FOXP1: variants seen among roughly 807,000 people sequenced by gnomAD.
FOXP1 encodes the protein forkhead box P1.
A neutral mutation model predicts 98.2 loss-of-function variants in FOXP1; 15 were observed. The ratio of observed to expected loss-of-function variants is 0.15; its 90% CI spans 0.10 to 0.24. FOXP1 has a LOEUF of 0.24. Ranked by LOEUF, FOXP1 falls within the 10% of genes least tolerant of loss-of-function variation. The pLI is 1.00. For synonymous variants in FOXP1, 371 were observed against 314.5 expected (o/e 1.18, Z -1.90); for missense variants, 633 against 848.5 (o/e 0.75, Z 3.15).
At chr3:71,428,798 G>A (rs1362305313) in intron 3 of FOXP1, among the ~76,000 whole-genome samples, 1 of 152,180 alleles carries the variant, frequency 6.6e-6, no homozygotes, top group Non-Finnish European at 1.5e-5. Context: ...AAACTTGAAG[G>A]GGAACATTGG....
At chr3:71,385,100 A>T (rs9871585) in intron 3 of FOXP1, among the ~76,000 whole-genome samples, 7,532 of 143,168 alleles carry the variant, frequency 0.053, 635 homozygotes, top group African/African-American at 0.18. Context: ...GGCACGGGAA[A>T]AGGAAGTAAA....
intron 5 of FOXP1, among the ~76,000 whole-genome samples, chr3:71,229,031 T>C (rs531434310): frequency 6.6e-5 from 10 of 151,980 alleles, no homozygotes; most frequent in Non-Finnish European, 1.5e-4. Context: ...ACCTGTATTT[T>C]ATAAAGGGGG....
intron 6 of FOXP1, among the ~76,000 whole-genome samples, chr3:71,134,960 T>C (rs2059745944): frequency 6.6e-6 from 1 of 152,064 alleles, no homozygotes; most frequent in Non-Finnish European, 1.5e-5. Flanking sequence ...TACCTTCTTC[T>C]AAAAGTTATA....
At chr3:71,013,753 T>C (rs2044019871) in intron 12 of FOXP1, among the ~76,000 whole-genome samples, 2 of 152,150 alleles carry the variant, frequency 1.3e-5, no homozygotes, top group Non-Finnish European at 2.9e-5. Context: ...CAAACTATAC[T>C]ACAAGGCTAC....
intron 2 of FOXP1, among the ~76,000 whole-genome samples, chr3:71,549,020 G>A (rs144168018): frequency 7.2e-4 from 109 of 152,270 alleles, no homozygotes; most frequent in African/African-American, 2.5e-3. Flanking sequence ...ACTCAGGAAC[G>A]TTAACCACTG....
intron 4 of FOXP1, among the ~76,000 whole-genome samples, chr3:71,302,259 T>C (rs1008200099): frequency 6.6e-6 from 1 of 152,114 alleles, no homozygotes; most frequent in Admixed American, 6.6e-5. Flanking sequence ...GTCAATATAA[T>C]AGACAAGAAA....
At position 71,583,615 on chromosome 3, in the gene FOXP1, C is replaced by T. The variant is rs1312520821; in HGVS notation, c.-491G>A. The T allele has an allele frequency of 2.6e-5, 26 of 984,016 alleles. No homozygotes were observed. The highest frequency in any genetic ancestry group is 9.4e-5 in the South Asian group (2 of 21,222). 61.0% of individuals were successfully genotyped at this position (984,016 alleles called of 1,614,324 possible). A position where few individuals can be genotyped will look rare whatever the true frequency, so the allele number is the denominator to read the frequency against. ...GGTGCAAACTAAGGTGTTTTCGGGC[C>T]TTTCCCCGCGCGCGCCCACTCCCGC... On this transcript the variant is annotated 5_prime_UTR_variant, in exon 1 of 21. Transcript: ENST00000649528.
intron 4 of FOXP1, among the ~76,000 whole-genome samples, chr3:71,311,073 T>TTTTG (rs759618983): frequency 1.3e-5 from 2 of 152,270 alleles, no homozygotes; most frequent in South Asian, 4.1e-4. Context: ...TCCCACTTTT[T>TTTTG]TTTGTTTGTT....
At chr3:70,960,812 G>C (rs1290034452) in intron 20 of FOXP1, among the ~76,000 whole-genome samples, 4 of 151,960 alleles carry the variant, frequency 2.6e-5, no homozygotes, top group Non-Finnish European at 2.9e-5. Flanking sequence ...GAGCATTTAG[G>C]GGGGCTAGAT....
intron 4 of FOXP1, among the ~76,000 whole-genome samples, chr3:71,319,914 C>A (rs1400489935): frequency 2.6e-5 from 4 of 152,280 alleles, no homozygotes; most frequent in Non-Finnish European, 5.9e-5. Flanking sequence ...TCTGGAGGCA[C>A]ATTTGACTCC....
intron 5 of FOXP1, among the ~76,000 whole-genome samples, chr3:71,258,886 C>T (rs1421496860): frequency 1.3e-5 from 2 of 152,132 alleles, no homozygotes; most frequent in African/African-American, 4.8e-5. Flanking sequence ...TGGCTCATGC[C>T]TGTAATCCCA....
At chr3:71,100,705 T>C (rs2056878018) in intron 7 of FOXP1, among the ~76,000 whole-genome samples, 1 of 152,232 alleles carries the variant, frequency 6.6e-6, no homozygotes, top group South Asian at 2.1e-4. Flanking sequence ...TCTGCAATTC[T>C]GGATTTTGGG....
intron 18 of FOXP1, 32 bp downstream of exon 18, chr3:70,972,523 T>A (rs1370775945): frequency 6.2e-7 from 1 of 1,614,018 alleles, no homozygotes; most frequent in African/African-American, 1.3e-5. Flanking sequence ...CAATCCAAGC[T>A]AGGCTAAGAA....
chr3:71,563,819 G>A (rs979339151), intron 2 of FOXP1, among the ~76,000 whole-genome samples: 7 of 152,180 alleles, frequency 4.6e-5, no homozygotes, highest in African/African-American at 1.4e-4. Flanking sequence ...AAGTAAAACC[G>A]TGTTTTCAAC....
chr3:71,581,293 G>C, intron 2 of FOXP1: 1 of 985,386 alleles, frequency 1.0e-6, no homozygotes, highest in Non-Finnish European at 1.2e-6. Context: ...TTTTATCGGA[G>C]CACTTTACAC....
chr3:71,200,769 A>T (rs1191406601), intron 5 of FOXP1, among the ~76,000 whole-genome samples: 3 of 152,252 alleles, frequency 2.0e-5, no homozygotes, highest in African/African-American at 7.2e-5. Context: ...ATGTGACAAC[A>T]GGGAAATTTC....
At chr3:71,486,719 C>T (rs1021334335) in intron 3 of FOXP1, among the ~76,000 whole-genome samples, 3 of 152,202 alleles carry the variant, frequency 2.0e-5, no homozygotes, top group African/African-American at 7.2e-5. Flanking sequence ...CAACAGGCAG[C>T]TCAGCAGCCT....
intron 11 of FOXP1, among the ~76,000 whole-genome samples, chr3:71,032,473 C>G (rs1293889894): frequency 6.6e-6 from 1 of 152,186 alleles, no homozygotes; most frequent in African/African-American, 2.4e-5. Context: ...TAACAATTTC[C>G]CTTTGTGAGC....
Position 71,315,099 on chromosome 3 carries a change from A to G in FOXP1, c.-72-15219T>C, listed in dbSNP as rs57697654. On this transcript the variant is annotated intron_variant, in intron 4 of 20. Coordinates refer to ENST00000649528, the MANE Select transcript of FOXP1 (RefSeq NM_001349338.3). ...CCATGTAAAAAAAAAAAAAAAAAAAAAAAAAAAAGAAAGAAAGAAAAAGAA... is the reference window on the plus strand; with the variant it reads ...CCATGTAAAAAAAAAAAAAAAAAAAGAAAAAAAAGAAAGAAAGAAAAAGAA... Among the ~76,000 whole-genome samples, 735 of 140,932 alleles carry G rather than the reference A, an allele frequency of 5.2e-3. 17 individuals are homozygous for G. Among genetic ancestry groups the G allele is most frequent in the African/African-American group, 0.019 (707 of 37,886 alleles). The allele number at this position is 140,932 out of a possible 152,430, so 92.5% of individuals were successfully genotyped here.
Sources: allele counts gnomAD v4.1 joint callset (sites outside exome capture counted in the v4.1 genomes callset), GRCh38; gene constraint gnomAD v4.1.1; transcripts MANE v1.5; gene names NCBI Gene and HGNC (gene_info 2026-07-23, HGNC 2026-07-21).